Variants in DACH2 observed in about 807,000 individuals in gnomAD.
DACH2 encodes dachshund homolog 2.
In DACH2, 17 loss-of-function variants were observed where a neutral mutation model predicts 35.8. The observed-to-expected ratio is 0.48, with a 90% CI of 0.33 to 0.71. The LOEUF is 0.71. DACH2 is among the 30% of genes least tolerant of loss of function. The probability of loss-of-function intolerance (pLI) is 0.02; values close to 1 mark genes in which losing one functional copy is unlikely to be tolerated. For missense variants in DACH2, 469 were observed against 472.7 expected, an observed-to-expected ratio of 0.99 and a Z score of 0.07; for synonymous variants, 195 against 177.3, an observed-to-expected ratio of 1.10 and a Z score of -0.79.
intron 2 of DACH2, among the ~76,000 whole-genome samples, chrX:86,476,041 G>A (rs947912879): frequency 3.6e-5 from 4 of 112,118 alleles, no homozygotes; most frequent in African/African-American, 1.3e-4. Flanking sequence ...TTGTCATGAT[G>A]AATGATCTTT....
chrX:86,474,162 G>T (rs761370150), intron 2 of DACH2, among the ~76,000 whole-genome samples: 30 of 111,768 alleles, frequency 2.7e-4, no homozygotes, highest in African/African-American at 8.8e-4. Flanking sequence ...TTGTATATCT[G>T]CTTTTGAGAA....
intron 2 of DACH2, among the ~76,000 whole-genome samples, chrX:86,470,676 A>G (rs1005883208): frequency 4.1e-4 from 45 of 110,952 alleles, no homozygotes; most frequent in African/African-American, 1.5e-3. Flanking sequence ...GAAATTACCT[A>G]TTGGGTATAA....
At chrX:86,779,815 CTCAGCATT>C (rs1422123196) in intron 7 of DACH2, among the ~76,000 whole-genome samples, 1 of 111,989 alleles carries the variant, frequency 8.9e-6, no homozygotes, top group Non-Finnish European at 1.9e-5. Context: ...TTATTTTATT[CTCAGCATT>C]TCATTGCTAG....
At chrX:86,678,780 G>A (rs2040848103) in intron 4 of DACH2, among the ~76,000 whole-genome samples, 1 of 112,077 alleles carries the variant, frequency 8.9e-6, no homozygotes, top group Non-Finnish European at 1.9e-5. Context: ...AAAAGAGCCA[G>A]CTGATTTATC....
chrX:86,435,008 C>G (rs536973762), intron 2 of DACH2, among the ~76,000 whole-genome samples: 47 of 111,179 alleles, frequency 4.2e-4, no homozygotes, highest in Middle Eastern at 9.3e-3. Context: ...GAGGGATGTT[C>G]TTACAAGCCA....
chrX:86,773,396 G>C (rs1225485245), intron 7 of DACH2, among the ~76,000 whole-genome samples: 1 of 111,538 alleles, frequency 9.0e-6, no homozygotes, highest in Non-Finnish European at 1.9e-5. Flanking sequence ...GCTCCTTAAG[G>C]AAAAAATTCT....
chrX:86,536,688 C>T (rs758893494), intron 3 of DACH2, among the ~76,000 whole-genome samples: 2 of 111,734 alleles, frequency 1.8e-5, no homozygotes, highest in East Asian at 5.7e-4. Context: ...TCAAGATGTC[C>T]CACCTTTCAG....
At chrX:86,478,398 T>C (rs1049585728) in intron 2 of DACH2, among the ~76,000 whole-genome samples, 2 of 111,031 alleles carry the variant, frequency 1.8e-5, no homozygotes, top group Non-Finnish European at 3.8e-5. Flanking sequence ...AAAAGGTTTT[T>C]TCCTTCAGTA....
chrX:86,197,935 A>G (rs993590851), intron 1 of DACH2, among the ~76,000 whole-genome samples: 34 of 112,025 alleles, frequency 3.0e-4, no homozygotes, highest in Non-Finnish European at 5.5e-4. Context: ...TACAGAACTC[A>G]CCACCCAAAG....
intron 2 of DACH2, among the ~76,000 whole-genome samples, chrX:86,457,071 T>C (rs756367075): frequency 1.9e-4 from 21 of 111,555 alleles, no homozygotes; most frequent in Non-Finnish European, 3.8e-4. Context: ...TGCCTAGTTG[T>C]AGTCAAATTT....
intron 3 of DACH2, among the ~76,000 whole-genome samples, chrX:86,556,820 AG>A (rs1569439470): frequency 8.5e-5 from 8 of 94,475 alleles, no homozygotes; most frequent in South Asian, 5.8e-4. Flanking sequence ...AGAGAGAGAG[AG>A]AGAGAGAGAA....
chrX:86,367,686 G>A lies in DACH2; in HGVS notation c.489-9138G>A, dbSNP rs185275800. 5.3e-3 allele frequency among the ~76,000 whole-genome samples: 585 copies of A among 111,305 alleles called. 3 individuals are homozygous for A. Among genetic ancestry groups the A allele is most frequent in the Non-Finnish European group, 8.1e-3 (427 of 52,960 alleles). ...ACGGTTAATGGTGACACAGTTAATGGCCTAGTCGGGACCAATACCCAAGTT... is the reference window on the plus strand; with the variant it reads ...ACGGTTAATGGTGACACAGTTAATGACCTAGTCGGGACCAATACCCAAGTT... On this transcript the variant is annotated intron_variant, in intron 1 of 11. Coordinates refer to ENST00000373125, the MANE Select transcript of DACH2 (RefSeq NM_053281.3).
intron 2 of DACH2, among the ~76,000 whole-genome samples, chrX:86,393,776 G>T (rs915516660): frequency 9.0e-6 from 1 of 110,907 alleles, no homozygotes; most frequent in Non-Finnish European, 1.9e-5. Context: ...TGATATTTCT[G>T]TAACTGTGGG....
At chrX:86,736,666 G>A (rs1423803729) in intron 6 of DACH2, among the ~76,000 whole-genome samples, 1 of 111,170 alleles carries the variant, frequency 9.0e-6, no homozygotes, top group Non-Finnish European at 1.9e-5. Flanking sequence ...CTGTCAGTTG[G>A]ATTCTCTTGC....
At chrX:86,567,158 G>A (rs1304504315) in intron 3 of DACH2, among the ~76,000 whole-genome samples, 2 of 111,918 alleles carry the variant, frequency 1.8e-5, no homozygotes, top group African/African-American at 6.5e-5. Flanking sequence ...AACAGATGTG[G>A]TTTAAGATGA....
At chrX:86,765,675 G>T (rs1325617729) in intron 7 of DACH2, among the ~76,000 whole-genome samples, 2 of 71,418 alleles carry the variant, frequency 2.8e-5, no homozygotes, top group Non-Finnish European at 5.4e-5. Context: ...GATGCCTCTG[G>T]TTTTTTTTGT....
At chrX:86,577,727 A>C (rs2039453195) in intron 3 of DACH2, among the ~76,000 whole-genome samples, 1 of 111,144 alleles carries the variant, frequency 9.0e-6, no homozygotes, top group African/African-American at 3.3e-5. Context: ...ACTTCCGGAG[A>C]GTGTACAAAG....
intron 2 of DACH2, among the ~76,000 whole-genome samples, chrX:86,482,967 A>G (rs1398959232): frequency 1.1e-5 from 1 of 89,615 alleles, no homozygotes; most frequent in Non-Finnish European, 2.1e-5. Context: ...AGGAAGGGGA[A>G]CATCACACTC....
rs184257842 is a variant in DACH2, at chrX:86,359,536, C to G, written c.489-17288C>G. On this transcript the variant is annotated intron_variant, in intron 1 of 11. Transcript: ENST00000373125. ...GCCAAGGCCAAAGGATTGGTTGAGGCCAGGAATTGGAGACCAGCCTGGTCA... is the reference window on the plus strand; with the variant it reads ...GCCAAGGCCAAAGGATTGGTTGAGGGCAGGAATTGGAGACCAGCCTGGTCA... 1.9e-3 allele frequency among the ~76,000 whole-genome samples: 211 copies of G among 111,525 alleles called. 2 individuals are homozygous for G. The Middle Eastern group carries it at 0.023, about 12-fold the overall frequency.
Sources: allele counts gnomAD v4.1 joint callset (sites outside exome capture counted in the v4.1 genomes callset), GRCh38; gene constraint gnomAD v4.1.1; transcripts MANE v1.5; gene names NCBI Gene and HGNC (gene_info 2026-07-23, HGNC 2026-07-21).